The following SORCS3 variants were observed in gnomAD, a reference collection of about 807,000 sequenced individuals.
The protein encoded by SORCS3 is sortilin related VPS10 domain containing receptor 3, also known as VPS10 domain-containing receptor SorCS3.
In SORCS3, 57 loss-of-function variants were observed where a neutral mutation model predicts 146.3. That is an observed-to-expected ratio of 0.39 (90% CI 0.31 to 0.49). The LOEUF (loss-of-function observed/expected upper bound fraction) is 0.49, where lower values mean the gene tolerates loss of function less well. Among genes scored for constraint, SORCS3 ranks in the 20% least tolerant of loss-of-function variants. The probability of loss-of-function intolerance (pLI) is 0.92; values close to 1 mark genes in which losing one functional copy is unlikely to be tolerated. For synonymous variants in SORCS3, 653 were observed against 618.5 expected (o/e 1.06, Z -0.83); for missense variants, 1,341 against 1,575.5 (o/e 0.85, Z 2.52).
At chr10:104,826,324 A>AT (rs1387472580) in intron 1 of SORCS3, among the ~76,000 whole-genome samples, 1 of 152,002 alleles carries the variant, frequency 6.6e-6, no homozygotes, top group Non-Finnish European at 1.5e-5. Context: ...TTAAGTTGTG[A>AT]TTTTGTCTGG....
At chr10:105,036,752 C>T (rs999852755) in intron 4 of SORCS3, among the ~76,000 whole-genome samples, 1 of 152,174 alleles carries the variant, frequency 6.6e-6, no homozygotes, top group African/African-American at 2.4e-5. Flanking sequence ...CCTGCAGCTC[C>T]GTATAGCCCA....
intron 2 of SORCS3, among the ~76,000 whole-genome samples, chr10:104,912,193 A>G (rs1252701687): frequency 6.6e-6 from 1 of 152,206 alleles, no homozygotes; most frequent in Admixed American, 6.5e-5. Context: ...TGGCTTGTGC[A>G]GGGTAACACG....
chr10:105,163,686 G>A (rs2056286111), intron 11 of SORCS3, among the ~76,000 whole-genome samples: 1 of 152,162 alleles, frequency 6.6e-6, no homozygotes, highest in Non-Finnish European at 1.5e-5. Context: ...AGCAAGTATG[G>A]TTGGTCTAGG....
At chr10:105,200,715 A>T (rs952638288) in intron 15 of SORCS3, among the ~76,000 whole-genome samples, 15 of 152,210 alleles carry the variant, frequency 9.9e-5, no homozygotes, top group African/African-American at 3.6e-4. Flanking sequence ...TTTTGGGTCA[A>T]CTTCAATTTC....
At chr10:105,248,608 G>T (rs1410364886) in intron 22 of SORCS3, among the ~76,000 whole-genome samples, 1 of 151,916 alleles carries the variant, frequency 6.6e-6, no homozygotes, top group Non-Finnish European at 1.5e-5. Flanking sequence ...CAGCTACTCG[G>T]GAGGCTGAGG....
At chr10:105,209,040 G>T (rs988986654) in intron 16 of SORCS3, among the ~76,000 whole-genome samples, 3 of 152,140 alleles carry the variant, frequency 2.0e-5, no homozygotes, top group African/African-American at 7.2e-5. Context: ...AATCTGTTGG[G>T]CACTTGGGGC....
intron 1 of SORCS3, among the ~76,000 whole-genome samples, chr10:104,811,659 C>T (rs1365812284): frequency 6.6e-6 from 1 of 152,114 alleles, no homozygotes; most frequent in African/African-American, 2.4e-5. Context: ...TGGAGTAAGC[C>T]AAGAGCAGCA....
intron 6 of SORCS3, among the ~76,000 whole-genome samples, chr10:105,101,632 G>T (rs1370372147): frequency 6.6e-6 from 1 of 152,130 alleles, no homozygotes; most frequent in Non-Finnish European, 1.5e-5. Flanking sequence ...ACCTGCTATG[G>T]GCCAAGGTTT....
intron 14 of SORCS3, among the ~76,000 whole-genome samples, chr10:105,198,461 C>A (rs1293356224): frequency 6.6e-6 from 1 of 152,050 alleles, no homozygotes; most frequent in Non-Finnish European, 1.5e-5. Context: ...TTCAAACAAG[C>A]AAAAATGTTT....
At chr10:104,833,715 C>T (rs116935920) in intron 1 of SORCS3, among the ~76,000 whole-genome samples, 44 of 152,260 alleles carry the variant, frequency 2.9e-4, no homozygotes, top group Non-Finnish European at 5.3e-4. Context: ...CACACTTGGT[C>T]TCTTAGTGAC....
chr10:104,778,176 T>C (rs985577481), intron 1 of SORCS3, among the ~76,000 whole-genome samples: 3 of 152,208 alleles, frequency 2.0e-5, no homozygotes, highest in Non-Finnish European at 4.4e-5. Context: ...CCAATTACCC[T>C]GATTTGATCA....
chr10:104,881,640 T>C lies in SORCS3; in HGVS notation c.696-34193T>C, dbSNP rs142574292. Among the ~76,000 whole-genome samples the C allele has an allele frequency of 3.4e-3, 518 of 152,296 alleles. 2 individuals carry two copies. Among genetic ancestry groups the C allele is most frequent in the South Asian group, 0.018 (88 of 4,826 alleles). On this transcript the variant is annotated intron_variant, in intron 2 of 26. Coordinates refer to ENST00000369701, the MANE Select transcript of SORCS3 (RefSeq NM_014978.3). ...AGGGTGGGTATTGTTCCCTTTTCAA[T>C]TGCTTCTATTTAAATATAGACAAGC...
At chr10:104,797,188 C>G (rs1184033477) in intron 1 of SORCS3, among the ~76,000 whole-genome samples, 1 of 152,030 alleles carries the variant, frequency 6.6e-6, no homozygotes. Flanking sequence ...ATGCAAGACT[C>G]GGGGCTAAGA....
intron 1 of SORCS3, among the ~76,000 whole-genome samples, chr10:104,720,202 C>T (rs571199370): frequency 4.6e-5 from 7 of 152,182 alleles, no homozygotes; most frequent in African/African-American, 1.4e-4. Context: ...GTTCAGTTCC[C>T]ACCTATGAGT....
intron 14 of SORCS3, among the ~76,000 whole-genome samples, chr10:105,182,076 A>G (rs1338770719): frequency 8.1e-6 from 1 of 123,976 alleles, no homozygotes; most frequent in African/African-American, 2.9e-5. Flanking sequence ...AGCTTCCTAG[A>G]AAAAAAAAAT....
At chr10:104,768,454 G>T (rs1300872756) in intron 1 of SORCS3, among the ~76,000 whole-genome samples, 1 of 152,144 alleles carries the variant, frequency 6.6e-6, no homozygotes, top group African/African-American at 2.4e-5. Flanking sequence ...ATAACACAAA[G>T]TATATTTAAG....
chr10:105,010,002 G>C (rs2055124095), intron 4 of SORCS3, among the ~76,000 whole-genome samples: 1 of 152,088 alleles, frequency 6.6e-6, no homozygotes. Flanking sequence ...TCTAAGATTT[G>C]TCCCAAAGTC....
chr10:104,751,049 G>C (rs1045186799), intron 1 of SORCS3, among the ~76,000 whole-genome samples: 2 of 152,126 alleles, frequency 1.3e-5, no homozygotes, highest in African/African-American at 4.8e-5. Context: ...ACAAGAGAGG[G>C]AGAAGCACAC....
At chr10:105,038,952 A>G (rs1435316517) in intron 4 of SORCS3, among the ~76,000 whole-genome samples, 3 of 152,090 alleles carry the variant, frequency 2.0e-5, no homozygotes, top group South Asian at 2.1e-4. Context: ...AAAGAAGAAC[A>G]TACTAATTGC....
Sources: allele counts gnomAD v4.1 joint callset (sites outside exome capture counted in the v4.1 genomes callset), GRCh38; gene constraint gnomAD v4.1.1; transcripts MANE v1.5; gene names NCBI Gene and HGNC (gene_info 2026-07-23, HGNC 2026-07-21).